The following CREB1 variants were observed in gnomAD, a reference collection of about 807,000 sequenced individuals.
CREB1 encodes cAMP responsive element binding protein 1, also known as cyclic AMP-responsive element-binding protein 1.
A neutral mutation model predicts 42.0 loss-of-function variants in CREB1; 2 were observed. The ratio of observed to expected loss-of-function variants is 0.05; its 90% CI spans 0.02 to 0.15. The LOEUF is 0.15. CREB1 is among the 10% of genes least tolerant of loss of function. The pLI, the probability that CREB1 is intolerant of heterozygous loss-of-function variation, is 1.00. For synonymous variants in CREB1, 123 were observed against 139.9 expected (o/e 0.88, Z 0.85); for missense variants, 199 against 388.9 (o/e 0.51, Z 4.11).
At chr2:207,576,670 A>G in intron 6 of CREB1, 3 of 1,290,012 alleles carry the variant, frequency 2.3e-6, no homozygotes, top group Non-Finnish European at 3.0e-6. Flanking sequence ...GTGAATTTGA[A>G]TTCTGAACGT....
At chr2:207,573,126 T>C (rs1486763505) in intron 5 of CREB1, among the ~76,000 whole-genome samples, 1 of 152,240 alleles carries the variant, frequency 6.6e-6, no homozygotes, top group Non-Finnish European at 1.5e-5. Flanking sequence ...ACTTTCTGTT[T>C]AATTGTATTC....
intron 7 of CREB1, among the ~76,000 whole-genome samples, chr2:207,593,780 G>A (rs919782374): frequency 5.4e-5 from 8 of 146,954 alleles, no homozygotes; most frequent in East Asian, 2.0e-4. Flanking sequence ...GTGCAGTGGC[G>A]CTATCTTGGC....
At chr2:207,552,194 G>A (rs2081536868) in intron 1 of CREB1, among the ~76,000 whole-genome samples, 1 of 152,100 alleles carries the variant, frequency 6.6e-6, no homozygotes, top group African/African-American at 2.4e-5. Context: ...TCGAGTTGTG[G>A]AGGGAAGAGG....
rs1429684862 is a variant in CREB1, at chr2:207,605,323, C to T, written c.*8265C>T. On this transcript the variant is annotated 3_prime_UTR_variant, in exon 8 of 8. Coordinates refer to ENST00000353267, the MANE Select transcript of CREB1 (RefSeq NM_004379.5). ...TTCCCTGATTACTAATGATGTGGAG[C>T]ATCTTTTGTTGTCTTTGGCCATCTG... is the stretch of plus-strand genomic sequence containing the variant. Among the ~76,000 whole-genome samples, 1 of 152,134 alleles carries T rather than the reference C, an allele frequency of 6.6e-6. No homozygotes were observed. Among genetic ancestry groups the T allele is most frequent in the East Asian group, 1.9e-4 (1 of 5,200 alleles).
intron 7 of CREB1, among the ~76,000 whole-genome samples, chr2:207,579,828 C>T (rs931279352): frequency 6.6e-6 from 1 of 152,114 alleles, no homozygotes; most frequent in African/African-American, 2.4e-5. Flanking sequence ...TACAAATTCC[C>T]TCCCACTTGG....
rs889031190 is a variant in CREB1 at position 207,599,316 on chromosome 2, GAATT to G, written c.*2260_*2263del. The G allele has an allele frequency of 4.9e-6, 1 of 206,002 alleles. No individual in the cohort carries two copies. The highest frequency in any genetic ancestry group is 2.3e-5 in the African/African-American group (1 of 43,848). The allele number at this position is 206,002 out of a possible 1,614,324, so 12.8% of individuals were successfully genotyped here. ...AAGTCACAAATATGTTCACAAGTTG[GAATT>G]ATTTATTGAGTCAAAATGTCGAATC... On this transcript the variant is annotated 3_prime_UTR_variant, in exon 8 of 8. Transcript: ENST00000353267.
chr2:207,534,740 A>T (rs1312779181), intron 1 of CREB1: 32 of 152,226 alleles, frequency 2.1e-4, no homozygotes. Context: ...TAATTCATTC[A>T]CATGATCTAT....
intron 7 of CREB1, among the ~76,000 whole-genome samples, chr2:207,589,917 G>A (rs374862429): frequency 6.6e-5 from 10 of 152,036 alleles, no homozygotes; most frequent in East Asian, 5.8e-4. Context: ...TTTCTTTGCC[G>A]TGAGTTTGTT....
At chr2:207,542,625 G>A (rs1353711611) in intron 1 of CREB1, among the ~76,000 whole-genome samples, 2 of 152,016 alleles carry the variant, frequency 1.3e-5, no homozygotes, top group South Asian at 2.1e-4. Flanking sequence ...TTTCTTGATG[G>A]TGTCTCTTGA....
rs947339584 is a variant in CREB1, at chr2:207,603,221, A to G, written c.*6163A>G. On this transcript the variant is annotated 3_prime_UTR_variant, in exon 8 of 8. Coordinates refer to ENST00000353267, the MANE Select transcript of CREB1 (RefSeq NM_004379.5). ...TGTAAAGAAAAAAATGTACTGAGTTACAATGCATTTTATTAACACTATGTA... is the reference window on the plus strand; with the variant it reads ...TGTAAAGAAAAAAATGTACTGAGTTGCAATGCATTTTATTAACACTATGTA... 1 of 218,420 alleles carries G rather than the reference A, an allele frequency of 4.6e-6. No homozygotes were observed. Among genetic ancestry groups the G allele is most frequent in the African/African-American group, 2.2e-5 (1 of 44,568 alleles). The allele number at this position is 218,420 out of a possible 1,614,324, so 13.5% of individuals were successfully genotyped here.
intron 1 of CREB1, among the ~76,000 whole-genome samples, chr2:207,532,569 T>C (rs910544160): frequency 1.3e-5 from 2 of 150,518 alleles, no homozygotes; most frequent in African/African-American, 4.9e-5. Context: ...GCTACTAGGG[T>C]AGCTGAGGCA....
rs1265113533 is a variant in CREB1 at position 207,555,761 on chromosome 2, A to C, written c.114+12A>C. On this transcript the variant is annotated intron_variant, in intron 2 of 7. Coordinates refer to ENST00000353267, the MANE Select transcript of CREB1 (RefSeq NM_004379.5). ...CCACATTAGCCCAGGTATAAAATAC[A>C]TGGAGAGATTCCAGTTTGTGTCTCT... The C allele has an allele frequency of 1.3e-6, 2 of 1,539,824 alleles. No homozygotes were observed. The highest frequency in any genetic ancestry group is 1.7e-5 in the Admixed American group (1 of 59,612).
intron 2 of CREB1, chr2:207,559,357 G>A: frequency 1.1e-6 from 1 of 902,816 alleles, no homozygotes; most frequent in Non-Finnish European, 1.3e-6. Flanking sequence ...AATTCTCAGT[G>A]TGTCCATTTT....
chr2:207,576,212 C>T (rs961092843), intron 6 of CREB1, among the ~76,000 whole-genome samples: 6 of 142,234 alleles, frequency 4.2e-5, no homozygotes, highest in Admixed American at 3.5e-4. Context: ...GTTAAATTCT[C>T]GACAAATTAT....
rs1464081018 is a variant in CREB1, at chr2:207,602,308, A to G, written c.*5250A>G. The G allele has an allele frequency of 1.5e-5, 3 of 195,526 alleles. No homozygotes were observed. The highest frequency in any genetic ancestry group is 3.8e-4 in the South Asian group (2 of 5,204). 12.1% of individuals were successfully genotyped at this position (195,526 alleles called of 1,614,324 possible). On this transcript the variant is annotated 3_prime_UTR_variant, in exon 8 of 8. Transcript: ENST00000353267. ...GTTGATATTATAAACAGGCAGTTTT[A>G]GCACAGAAAGAAAATACTGACCTGT...
intron 3 of CREB1, among the ~76,000 whole-genome samples, chr2:207,563,769 C>T (rs991864604): frequency 2.0e-5 from 3 of 152,064 alleles, no homozygotes; most frequent in East Asian, 1.9e-4. Flanking sequence ...CATGGCAAAA[C>T]GCCATCTCTA....
Position 207,560,246 on chromosome 2 carries a change from T to C in CREB1, c.135T>C (p.His45=). 6.2e-7 allele frequency: 1 copy of C among 1,611,584 alleles called. No individual in the cohort carries two copies. The change falls in exon 3 of 8, where the codon CAT becomes CAC. Residue 45 remains histidine, a synonymous_variant. Coordinates refer to ENST00000353267, the MANE Select transcript of CREB1 (RefSeq NM_004379.5). ...TLAQVSMPAA[H]ATSSAPTVTL... is the part of the protein sequence containing the mutation. Reference sequence around the variant, plus strand: ...CATAGGTATCTATGCCAGCAGCTCATGCAACATCATCTGCTCCCACCGTAA... The same window carrying C: ...CATAGGTATCTATGCCAGCAGCTCACGCAACATCATCTGCTCCCACCGTAA...
intron 1 of CREB1, among the ~76,000 whole-genome samples, chr2:207,538,846 T>C (rs2080980013): frequency 6.6e-6 from 1 of 152,334 alleles, no homozygotes; most frequent in South Asian, 2.1e-4. Context: ...TATCTACTTG[T>C]GAGTTTTTGG....
rs1806584 is a variant in CREB1 at position 207,601,546 on chromosome 2, A to G, written c.*4488A>G. On this transcript the variant is annotated 3_prime_UTR_variant, in exon 8 of 8. Transcript: ENST00000353267. Reference sequence around the variant, plus strand: ...ATTGAAGGGAAAATAACTCAAGTGCATAATATTTATTTTCAATTTTTAATG... The same window carrying G: ...ATTGAAGGGAAAATAACTCAAGTGCGTAATATTTATTTTCAATTTTTAATG... The G allele has an allele frequency of 0.13, 25,948 of 199,054 alleles. 2,253 individuals are homozygous for G. The highest frequency in any genetic ancestry group is 0.19 in the Non-Finnish European group (18,183 of 96,344). 12.3% of individuals were successfully genotyped at this position (199,054 alleles called of 1,614,324 possible).
Sources: gnomAD v4.1 joint callset for allele counts (sites outside exome capture counted in the v4.1 genomes callset) on GRCh38, gnomAD v4.1.1 for gene constraint, MANE v1.5 for transcripts, NCBI Gene and HGNC (gene_info 2026-07-23, HGNC 2026-07-21) for gene names.